Variants in PROKR2 observed in about 807,000 individuals in gnomAD.
PROKR2 encodes the protein prokineticin receptor 2, also known as G protein-coupled receptor 73-like 1.
In PROKR2, 26 loss-of-function variants were observed where a neutral mutation model predicts 23.4. The observed-to-expected ratio is 1.11, with a 90% confidence interval of 0.81 to 1.54. The LOEUF is 1.54. Among genes scored for constraint, PROKR2 ranks in the 40% most tolerant of loss-of-function variants. The pLI is 0.00. For missense variants in PROKR2, 453 were observed against 511.5 expected (o/e 0.89, Z 1.10); for synonymous variants, 212 against 201.2 (o/e 1.05, Z -0.45).
rs185293718 is a variant in PROKR2, at chr20:5,299,294, A to G, written c.*2746T>C. Among the ~76,000 whole-genome samples, 239 of 152,212 alleles carry G rather than the reference A, an allele frequency of 1.6e-3. No homozygotes were observed. The highest frequency in any genetic ancestry group is 3.7e-3 in the Admixed American group (57 of 15,298). On this transcript the variant is annotated 3_prime_UTR_variant, in exon 3 of 3. Coordinates refer to ENST00000678254, the MANE Select transcript of PROKR2 (RefSeq NM_144773.4). ...ACTGGAAAATCACAAATACACACTG[A>G]TATTTACAAAAGTTTTTTCAGTTAA... is the stretch of plus-strand genomic sequence containing the variant.
In PROKR2 at chr20:5,302,166, G is replaced by A. The variant is rs1374093067; in HGVS notation, c.1029C>T (p.Tyr343=). 1.2e-6 allele frequency: 2 copies of A among 1,614,112 alleles called. No individual in the cohort carries two copies. Among genetic ancestry groups the A allele is most frequent in the Admixed American group, 1.7e-5 (1 of 60,010 alleles). ...FVTVKNNTMK[Y]FKKMMLLHWR... ...AGTGCAGCAGCATCATCTTCTTGAAGTACTTCATGGTGTTGTTCTTGACCG... is the reference window on the plus strand; with the variant it reads ...AGTGCAGCAGCATCATCTTCTTGAAATACTTCATGGTGTTGTTCTTGACCG... Residue 343 remains tyrosine (Y), a synonymous_variant, in exon 3 of 3, where the codon TAC becomes TAT. Transcript: ENST00000678254.
chr20:5,313,607 T>G (rs1431466981), intron 2 of PROKR2, among the ~76,000 whole-genome samples: 3 of 152,242 alleles, frequency 2.0e-5, no homozygotes, highest in African/African-American at 7.2e-5. Context: ...TCATGTGGCT[T>G]CTAGGTAGTA....
At chr20:5,307,983 G>A (rs1979282951) in intron 2 of PROKR2, among the ~76,000 whole-genome samples, 1 of 152,196 alleles carries the variant, frequency 6.6e-6, no homozygotes, top group Non-Finnish European at 1.5e-5. Flanking sequence ...AGGAGCTGCA[G>A]ACAGGTTAGC....
chr20:5,312,354 G>A (rs766574666), intron 2 of PROKR2, among the ~76,000 whole-genome samples: 2 of 152,286 alleles, frequency 1.3e-5, no homozygotes, highest in Middle Eastern at 3.4e-3. Flanking sequence ...TGATCTGCCC[G>A]TCTCAGCCTC....
chr20:5,299,872 A>C lies in PROKR2; in HGVS notation c.*2168T>G, dbSNP rs777219529. 6.6e-6 allele frequency among the ~76,000 whole-genome samples: 1 copy of C among 152,122 alleles called. No homozygotes were observed. Among genetic ancestry groups the C allele is most frequent in the Non-Finnish European group, 1.5e-5 (1 of 68,020 alleles). ...ACTCCTGACCTCAGGTGATCTGCCC[A>C]TCTTGGCCTCCCGAAGTGCTGGGAT... is the stretch of plus-strand genomic sequence containing the variant. On this transcript the variant is annotated 3_prime_UTR_variant, in exon 3 of 3. Coordinates refer to ENST00000678254, the MANE Select transcript of PROKR2 (RefSeq NM_144773.4).
In PROKR2 at chr20:5,301,569, A is replaced by G. The variant is rs1398891747; in HGVS notation, c.*471T>C. On this transcript the variant is annotated 3_prime_UTR_variant, in exon 3 of 3. Transcript: ENST00000678254. ...TATTCCTGCACTGGTAAGATACAGA[A>G]TTAGGGAAGATGGAGGGTGAACTAT... Among the ~76,000 whole-genome samples the G allele has an allele frequency of 6.6e-6, 1 of 152,228 alleles. No individual in the cohort carries two copies. The highest frequency in any genetic ancestry group is 2.4e-5 in the African/African-American group (1 of 41,470).
intron 1 of PROKR2, chr20:5,315,958 C>T (rs748380014): frequency 2.2e-6 from 1 of 456,436 alleles, no homozygotes; most frequent in South Asian, 1.5e-5. Flanking sequence ...CGCCCGGGAG[C>T]GACCCGTTCC....
In PROKR2 at chr20:5,301,647, T is replaced by C. The variant is rs1390194468; in HGVS notation, c.*393A>G. Reference sequence around the variant, plus strand: ...TCCAATAGCTTCTGCTACTTTGTTATGTTTTTTATATGTTTTTGATTGTAA... The same window carrying C: ...TCCAATAGCTTCTGCTACTTTGTTACGTTTTTTATATGTTTTTGATTGTAA... On this transcript the variant is annotated 3_prime_UTR_variant, in exon 3 of 3. Transcript: ENST00000678254. Among the ~76,000 whole-genome samples the C allele has an allele frequency of 6.6e-6, 1 of 152,252 alleles. No homozygotes were observed. The highest frequency in any genetic ancestry group is 1.5e-5 in the Non-Finnish European group (1 of 68,040).
chr20:5,302,349 C>T lies in PROKR2; in HGVS notation c.846G>A (p.Thr282=), dbSNP rs762253938. ...AGGGTGCCCAGCACAGCACATAGGC[C>T]GTGAGAATGCACATGAGCACCAGGA... is the stretch of plus-strand genomic sequence containing the variant. ...KTVLVLMCIL[T]AYVLCWAPFY... The change falls in exon 3 of 3, where the codon ACG becomes ACA. Residue 282 remains threonine (T), a synonymous_variant. Coordinates refer to ENST00000678254, the MANE Select transcript of PROKR2 (RefSeq NM_144773.4). The T allele has an allele frequency of 8.1e-6, 13 of 1,614,108 alleles. No individual in the cohort carries two copies. Among genetic ancestry groups the T allele is most frequent in the African/African-American group, 2.7e-5 (2 of 74,938 alleles).
intron 2 of PROKR2, among the ~76,000 whole-genome samples, chr20:5,312,063 C>A (rs1048314462): frequency 6.6e-6 from 1 of 152,170 alleles, no homozygotes; most frequent in African/African-American, 2.4e-5. Context: ...TGGGACCTTG[C>A]CCAAGGGATT....
At chr20:5,311,031 C>T (rs910571425) in intron 2 of PROKR2, among the ~76,000 whole-genome samples, 2 of 152,132 alleles carry the variant, frequency 1.3e-5, no homozygotes, top group Non-Finnish European at 1.5e-5. Flanking sequence ...ACATGTATTC[C>T]GTAAGCACTT....
chr20:5,316,061 G>T lies in PROKR2; in HGVS notation c.-9+433C>A, dbSNP rs1292183924. ...GACAGGAATCAAGTCAGAAATTCAG[G>T]CTCTAGAAGCAAAGGCTGCGGTGCC... On this transcript the variant is annotated intron_variant, in intron 1 of 2. Coordinates refer to ENST00000678254, the MANE Select transcript of PROKR2 (RefSeq NM_144773.4). The surrounding 1 kb of genome is among the most constrained non-coding windows in gnomAD (Gnocchi z 5.0). 2 of 456,630 alleles carry T rather than the reference G, an allele frequency of 4.4e-6. No homozygotes were observed. The highest frequency in any genetic ancestry group is 8.8e-6 in the Non-Finnish European group (2 of 226,994). 28.3% of individuals were successfully genotyped at this position (456,630 alleles called of 1,614,324 possible). A position where few individuals can be genotyped will look rare whatever the true frequency, so the allele number is the denominator to read the frequency against.
chr20:5,316,797 TC>T lies in PROKR2; in HGVS notation c.-313del, dbSNP rs1979698702. Among the ~76,000 whole-genome samples, 1 of 152,056 alleles carries T rather than the reference TC, an allele frequency of 6.6e-6. No individual in the cohort carries two copies. Among genetic ancestry groups the T allele is most frequent in the African/African-American group, 2.4e-5 (1 of 41,416 alleles). On this transcript the variant is annotated 5_prime_UTR_variant, in exon 1 of 3. Transcript: ENST00000678254. This position sits in a 1 kb window ranked among gnomAD's most constrained non-coding sequence, Gnocchi z 5.0. ...CCCGGGGTCCCCGCCTGCCTCCTAG[TC>T]CAGGCCAAGGGTGGATGCCCAGCTC...
chr20:5,310,207 C>T (rs1006562156), intron 2 of PROKR2, among the ~76,000 whole-genome samples: 1 of 152,172 alleles, frequency 6.6e-6, no homozygotes, highest in Non-Finnish European at 1.5e-5. Context: ...GCAAGAGGGA[C>T]ACCGGCAAGG....
In PROKR2 at chr20:5,314,194, G is replaced by A; in HGVS notation, c.176C>T (p.Ala59Val). 1.9e-6 allele frequency: 3 copies of A among 1,614,200 alleles called. No individual in the cohort carries two copies. The highest frequency in any genetic ancestry group is 2.5e-6 in the Non-Finnish European group (3 of 1,180,032). The change falls in exon 2 of 3, where the codon GCA becomes GTA. Residue 59 changes from alanine to valine, a missense_variant. By Grantham distance (64) the Ala-to-Val change is moderately conservative. Transcript: ENST00000678254. ...FFAAKIVIGIALAGIMLVCGI... is the reference protein window; with the variant it reads ...FFAAKIVIGIVLAGIMLVCGI... The stretch of plus-strand genomic sequence containing the variant: ...GCAGACCAGCATGATGCCTGCCAGT[G>A]CAATGCCAATGACGATCTTGGCTGC...
chr20:5,307,035 T>C (rs1278709032), intron 2 of PROKR2, among the ~76,000 whole-genome samples: 1 of 152,172 alleles, frequency 6.6e-6, no homozygotes, highest in Admixed American at 6.5e-5. Context: ...TTGGATACCA[T>C]CAAGACACCT....
In PROKR2 at chr20:5,299,375, T is replaced by G. The variant is rs1271029275; in HGVS notation, c.*2665A>C. Among the ~76,000 whole-genome samples the G allele has an allele frequency of 6.6e-6, 1 of 152,116 alleles. No individual in the cohort carries two copies. Among genetic ancestry groups the G allele is most frequent in the African/African-American group, 2.4e-5 (1 of 41,432 alleles). On this transcript the variant is annotated 3_prime_UTR_variant, in exon 3 of 3. Transcript: ENST00000678254. ...GGACAAAAAGGAACAGGGTGATGAA[T>G]CCTGCTGACAGACTTGACTGGTACA...
rs989260465 is a variant in PROKR2 at position 5,301,007 on chromosome 20, A to G, written c.*1033T>C. On this transcript the variant is annotated 3_prime_UTR_variant, in exon 3 of 3. Transcript: ENST00000678254. ...AAATTACACCATTGTGGATAACCAC[A>G]TAAGGCTGGGCTGACTATAAGAATT... Among the ~76,000 whole-genome samples, 3 of 152,236 alleles carry G rather than the reference A, an allele frequency of 2.0e-5. No individual in the cohort carries two copies. Among genetic ancestry groups the G allele is most frequent in the African/African-American group, 7.2e-5 (3 of 41,446 alleles).
intron 2 of PROKR2, among the ~76,000 whole-genome samples, chr20:5,308,835 T>C (rs7273837): frequency 0.51 from 77,654 of 152,086 alleles, 20,141 homozygotes; most frequent in African/African-American, 0.61. Flanking sequence ...CCTGTCCCTG[T>C]CAATATTTCT....
Sources: allele counts gnomAD v4.1 joint callset (sites outside exome capture counted in the v4.1 genomes callset), GRCh38; gene constraint gnomAD v4.1.1; non-coding constraint Gnocchi (gnomAD v3.1); transcripts MANE v1.5; gene names NCBI Gene and HGNC (gene_info 2026-07-23, HGNC 2026-07-21).